Variants in CSNK2A1 observed in about 807,000 individuals in gnomAD.
CSNK2A1 encodes casein kinase II subunit alpha.
CSNK2A1 carries 10 observed loss-of-function variants against 62.9 expected under a neutral mutation model. That is an observed-to-expected ratio of 0.16 (90% CI 0.10 to 0.27). CSNK2A1 has a LOEUF of 0.27. CSNK2A1 is among the 10% of genes least tolerant of loss of function. CSNK2A1 has a pLI of 1.00. For missense variants in CSNK2A1, 160 were observed against 492.0 expected (o/e 0.33, Z 6.38); for synonymous variants, 124 against 167.8 (o/e 0.74, Z 2.02).
intron 2 of CSNK2A1, among the ~76,000 whole-genome samples, chr20:523,648 T>C (rs967796565): frequency 4.6e-5 from 7 of 152,046 alleles, no homozygotes; most frequent in Admixed American, 3.9e-4. Flanking sequence ...TCCCAGCACT[T>C]TGGGAGGCCG....
At position 480,076 on chromosome 20, in the gene CSNK2A1, C is replaced by T. The variant is rs6084599; in HGVS notation, c.*3885G>A. 7.2e-5 allele frequency: 11 copies of T among 152,234 alleles called. No individual in the cohort carries two copies. The highest frequency in any genetic ancestry group is 3.4e-3 in the Middle Eastern group (1 of 294). 9.4% of individuals were successfully genotyped at this position (152,234 alleles called of 1,614,324 possible). A position where few individuals can be genotyped will look rare whatever the true frequency, so the allele number is the denominator to read the frequency against. ...TCTACTAAATTGGCCAGGATCATTC[C>T]TTAGTCTTCAGATACCTATTTATCA... On this transcript the variant is annotated 3_prime_UTR_variant, in exon 14 of 14. Coordinates refer to ENST00000217244, the MANE Select transcript of CSNK2A1 (RefSeq NM_177559.3).
At chr20:541,880 C>T (rs1173225833) in intron 1 of CSNK2A1, among the ~76,000 whole-genome samples, 2 of 152,136 alleles carry the variant, frequency 1.3e-5, no homozygotes, top group African/African-American at 4.8e-5. Context: ...AAACCAAAGC[C>T]AAGTATTTCA....
At chr20:535,969 A>C (rs192873222) in intron 1 of CSNK2A1, among the ~76,000 whole-genome samples, 1 of 152,306 alleles carries the variant, frequency 6.6e-6, no homozygotes, top group Non-Finnish European at 1.5e-5. Context: ...CACTGGGAGT[A>C]AGACCTCTGA....
chr20:537,315 C>T (rs1004237913), intron 1 of CSNK2A1, among the ~76,000 whole-genome samples: 5 of 152,124 alleles, frequency 3.3e-5, no homozygotes, highest in African/African-American at 9.7e-5. Context: ...ATTATCACCA[C>T]GAATGTAAAG....
At chr20:526,749 C>T (rs2019098880) in intron 2 of CSNK2A1, 1 of 151,814 alleles carries the variant, frequency 6.6e-6, no homozygotes, top group South Asian at 2.1e-4. Context: ...AGGTCAGGAG[C>T]TCGAGACCAG....
chr20:486,996 G>A (rs374741322), intron 12 of CSNK2A1: 4 of 192,458 alleles, frequency 2.1e-5, no homozygotes, highest in African/African-American at 9.4e-5. Context: ...GTGCAGATGG[G>A]GTGGGTCTCA....
intron 10 of CSNK2A1, chr20:489,558 A>G (rs781732207): frequency 2.3e-6 from 1 of 429,156 alleles, no homozygotes; most frequent in Non-Finnish European, 4.1e-6. Flanking sequence ...AAAAATCTGG[A>G]TGACAATTTA....
At chr20:543,033 A>G (rs1027502236) in intron 1 of CSNK2A1, 47 of 152,410 alleles carry the variant, frequency 3.1e-4, no homozygotes, top group Admixed American at 2.9e-3. Context: ...GTATACCCTT[A>G]GCCAAGCTTT....
chr20:536,043 TTA>T, intron 1 of CSNK2A1, among the ~76,000 whole-genome samples: 1 of 152,128 alleles, frequency 6.6e-6, no homozygotes, highest in Non-Finnish European at 1.5e-5. Flanking sequence ...GATGGGAATA[TTA>T]CCTTCTCTAT....
intron 1 of CSNK2A1, among the ~76,000 whole-genome samples, chr20:538,747 A>T (rs887818660): frequency 6.6e-6 from 1 of 152,172 alleles, no homozygotes; most frequent in Non-Finnish European, 1.5e-5. Flanking sequence ...AATTCACAAA[A>T]ATGTATCACC....
chr20:532,172 T>C (rs1397290736), intron 1 of CSNK2A1, among the ~76,000 whole-genome samples: 1 of 151,772 alleles, frequency 6.6e-6, no homozygotes, highest in Non-Finnish European at 1.5e-5. Context: ...CTTTTAACTT[T>C]TTTTTTTTTT....
intron 2 of CSNK2A1, among the ~76,000 whole-genome samples, chr20:523,125 T>G (rs1040204112): frequency 6.6e-6 from 1 of 152,200 alleles, no homozygotes. Context: ...AATATTTAAC[T>G]TGAAATGCTA....
At chr20:532,418 C>G (rs2019233032) in intron 1 of CSNK2A1, among the ~76,000 whole-genome samples, 1 of 148,212 alleles carries the variant, frequency 6.7e-6, no homozygotes. Flanking sequence ...ATCTTGTGAT[C>G]TGCCCGCCTC....
chr20:528,897 C>T (rs1335609319), intron 1 of CSNK2A1, among the ~76,000 whole-genome samples: 2 of 152,240 alleles, frequency 1.3e-5, no homozygotes, highest in South Asian at 4.1e-4. Context: ...ACAGCCTATT[C>T]TTCTGTTCTA....
chr20:540,605 G>A (rs909513802), intron 1 of CSNK2A1, among the ~76,000 whole-genome samples: 16 of 152,024 alleles, frequency 1.1e-4, no homozygotes, highest in African/African-American at 3.9e-4. Context: ...TGCCATTACC[G>A]CTCACTGCAG....
intron 2 of CSNK2A1, among the ~76,000 whole-genome samples, chr20:512,514 C>T (rs1393511231): frequency 3.9e-5 from 6 of 152,176 alleles, no homozygotes; most frequent in Non-Finnish European, 8.8e-5. Context: ...AGAAGAGATA[C>T]CTCCTTATGC....
At chr20:506,952 G>A (rs2018616383) in intron 3 of CSNK2A1, 1 of 152,162 alleles carries the variant, frequency 6.6e-6, no homozygotes, top group Non-Finnish European at 1.5e-5. Context: ...GTCACCTAGA[G>A]TCCAAAGCCT....
At chr20:484,696 G>C (rs535429194) in intron 13 of CSNK2A1, among the ~76,000 whole-genome samples, 1 of 66,204 alleles carries the variant, frequency 1.5e-5, no homozygotes, top group African/African-American at 8.2e-5. Context: ...TCATGTTTTT[G>C]TGTGTGTGTG....
At chr20:505,296 C>A in intron 3 of CSNK2A1, 67 bp from the exon 4 acceptor site, 1 of 1,024,240 alleles carries the variant, frequency 9.8e-7, no homozygotes, top group East Asian at 2.9e-5. Flanking sequence ...TTACAGGAAT[C>A]TATTACCAGC....
Sources: allele counts gnomAD v4.1 joint callset (sites outside exome capture counted in the v4.1 genomes callset), GRCh38; gene constraint gnomAD v4.1.1; transcripts MANE v1.5; gene names NCBI Gene and HGNC (gene_info 2026-07-23, HGNC 2026-07-21).